Variants in CCSER1 observed in about 807,000 individuals in gnomAD.
CCSER1 encodes the protein coiled-coil serine rich protein 1, also known as serine-rich coiled-coil domain-containing protein 1.
CCSER1 carries 41 observed loss-of-function variants against 82.0 expected under a neutral mutation model. The observed-to-expected ratio is 0.50, with a 90% CI of 0.39 to 0.65. The LOEUF (loss-of-function observed/expected upper bound fraction) is 0.65. Ranked by LOEUF, CCSER1 falls within the 30% of genes least tolerant of loss-of-function variation. The pLI is 0.00. For synonymous variants in CCSER1, 414 were observed against 383.9 expected (o/e 1.08, Z -0.92); for missense variants, 1,119 against 1,064.2 (o/e 1.05, Z -0.72).
chr4:90,402,878 C>A (rs1753088083), intron 4 of CCSER1, among the ~76,000 whole-genome samples: 1 of 152,092 alleles, frequency 6.6e-6, no homozygotes. Context: ...TCTCTTGAGT[C>A]TACTTTAAGG....
chr4:90,786,595 T>C (rs567291343), intron 7 of CCSER1, among the ~76,000 whole-genome samples: 1 of 152,320 alleles, frequency 6.6e-6, no homozygotes, highest in East Asian at 1.9e-4. Flanking sequence ...TCATTTAAAA[T>C]TCCATTTACA....
intron 10 of CCSER1, among the ~76,000 whole-genome samples, chr4:91,156,234 A>G (rs570437905): frequency 8.6e-5 from 13 of 151,924 alleles, no homozygotes; most frequent in Admixed American, 3.9e-4. Flanking sequence ...ATTAGAGTAT[A>G]TTACAGATAA....
chr4:90,690,546 G>A (rs1266287869), intron 6 of CCSER1, among the ~76,000 whole-genome samples: 1 of 152,014 alleles, frequency 6.6e-6, no homozygotes, highest in East Asian at 1.9e-4. Context: ...TGTCCTGCAT[G>A]TCAAATATTT....
chr4:90,308,288 G>C lies in CCSER1; in HGVS notation c.4G>C (p.Gly2Arg). Reference protein sequence around the residue: MGDSGSRRSTLV... With the variant: MRDSGSRRSTLV... ...CAGTGCAAGCCTTTGATTCCCAATG[G>C]GGGACTCAGGATCAAGACGATCTAC... Residue 2 changes from glycine to arginine, a missense_variant, in exon 2 of 11, where the codon GGG becomes CGG. By Grantham distance (125) the Gly-to-Arg change is moderately radical (BLOSUM62 -2). Coordinates refer to ENST00000509176, the MANE Select transcript of CCSER1 (RefSeq NM_001145065.2). The C allele has an allele frequency of 4.5e-6, 7 of 1,571,472 alleles. No individual in the cohort carries two copies. Among genetic ancestry groups the C allele is most frequent in the African/African-American group, 1.3e-5 (1 of 74,114 alleles).
chr4:90,324,216 C>G (rs1053295931), intron 3 of CCSER1, among the ~76,000 whole-genome samples: 10 of 152,176 alleles, frequency 6.6e-5, no homozygotes, highest in East Asian at 1.9e-4. Context: ...AATGGTATTT[C>G]TAGTTCTAGA....
At chr4:90,877,737 C>T (rs547553724) in intron 8 of CCSER1, among the ~76,000 whole-genome samples, 70 of 150,506 alleles carry the variant, frequency 4.7e-4, no homozygotes, top group Admixed American at 9.9e-4. Flanking sequence ...CAGAAGTAAA[C>T]GGGAGAAAAC....
chr4:90,161,178 C>T (rs1369217097), intron 1 of CCSER1, among the ~76,000 whole-genome samples: 1 of 152,192 alleles, frequency 6.6e-6, no homozygotes, highest in Non-Finnish European at 1.5e-5. Flanking sequence ...TTTGCTCATC[C>T]TATGTGCTTA....
chr4:90,528,069 G>A (rs1320713841), intron 5 of CCSER1, among the ~76,000 whole-genome samples: 2 of 152,054 alleles, frequency 1.3e-5, no homozygotes, highest in African/African-American at 4.8e-5. Context: ...CTTTAAAGTG[G>A]CAATTGCTTC....
chr4:91,569,377 T>A lies in CCSER1; in HGVS notation c.2218-29195T>A, dbSNP rs2110278981. Among the ~76,000 whole-genome samples, 5 of 152,206 alleles carry A rather than the reference T, an allele frequency of 3.3e-5. No individual in the cohort carries two copies. In the South Asian group the frequency reaches 1.0e-3, roughly 32 times the overall value. On this transcript the variant is annotated intron_variant, in intron 10 of 10. Transcript: ENST00000509176. Reference sequence around the variant, plus strand: ...AACTTGGAGGTAGAAGAGGAAAGGATCTTAGTAGTGGTTGGAGCTGAGGAT... The same window carrying A: ...AACTTGGAGGTAGAAGAGGAAAGGAACTTAGTAGTGGTTGGAGCTGAGGAT...
chr4:91,448,876 A>G (rs1480822332), intron 10 of CCSER1, among the ~76,000 whole-genome samples: 2 of 152,094 alleles, frequency 1.3e-5, no homozygotes, highest in South Asian at 4.1e-4. Flanking sequence ...GCAGACAACA[A>G]AGGAATTACA....
At chr4:90,495,882 C>T (rs1768916449) in intron 5 of CCSER1, among the ~76,000 whole-genome samples, 1 of 152,096 alleles carries the variant, frequency 6.6e-6, no homozygotes, top group African/African-American at 2.4e-5. Context: ...GAGGAATAAT[C>T]AAACCACTTT....
At chr4:91,115,799 G>C (rs1428296023) in intron 10 of CCSER1, among the ~76,000 whole-genome samples, 1 of 103,450 alleles carries the variant, frequency 9.7e-6, no homozygotes, top group African/African-American at 3.7e-5. Flanking sequence ...GCCTATCCTA[G>C]CTTTTTCTTT....
At position 91,135,839 on chromosome 4, in the gene CCSER1, T is replaced by G. The variant is rs73837284; in HGVS notation, c.2217+49845T>G. Among the ~76,000 whole-genome samples, 505 of 152,286 alleles carry G rather than the reference T, an allele frequency of 3.3e-3. 2 individuals are homozygous for G. The highest frequency in any genetic ancestry group is 0.012 in the African/African-American group (485 of 41,556). On this transcript the variant is annotated intron_variant, in intron 10 of 10. Transcript: ENST00000509176. ...TTATTTTCACAACTTCGCTATAAGT[T>G]TATTTTTTAAAAATATCTTCTAACT...
chr4:91,076,829 T>C (rs1722049884), intron 9 of CCSER1, among the ~76,000 whole-genome samples: 1 of 152,154 alleles, frequency 6.6e-6, no homozygotes, highest in South Asian at 2.1e-4. Context: ...CCATGGTACA[T>C]GGTACATGGA....
intron 10 of CCSER1, among the ~76,000 whole-genome samples, chr4:91,161,170 C>A (rs974748195): frequency 3.9e-5 from 6 of 152,128 alleles, no homozygotes; most frequent in Admixed American, 3.9e-4. Context: ...ATCCTTTCCC[C>A]ACTTCTTCTT....
At chr4:90,893,950 G>A (rs1193382687) in intron 8 of CCSER1, among the ~76,000 whole-genome samples, 2 of 151,676 alleles carry the variant, frequency 1.3e-5, no homozygotes, top group Non-Finnish European at 2.9e-5. Flanking sequence ...TGACTTTATA[G>A]CTAGATAATA....
chr4:91,078,549 A>G (rs1722285715), intron 9 of CCSER1, among the ~76,000 whole-genome samples: 1 of 152,260 alleles, frequency 6.6e-6, no homozygotes, highest in African/African-American at 2.4e-5. Context: ...GCTCCTCGCC[A>G]GCAATGGAAC....
chr4:90,683,270 A>G (rs1431737034), intron 6 of CCSER1: 1 of 152,140 alleles, frequency 6.6e-6, no homozygotes, highest in Non-Finnish European at 1.5e-5. Flanking sequence ...AAGTGCTTCT[A>G]TGAAAAAATA....
intron 10 of CCSER1, among the ~76,000 whole-genome samples, chr4:91,164,320 C>T (rs1012959319): frequency 1.1e-4 from 16 of 152,168 alleles, no homozygotes; most frequent in African/African-American, 2.4e-5. Flanking sequence ...GATGGGCTTC[C>T]CTTTGTGGGT....
Sources: gnomAD v4.1 joint callset for allele counts (sites outside exome capture counted in the v4.1 genomes callset) on GRCh38, gnomAD v4.1.1 for gene constraint, MANE v1.5 for transcripts, NCBI Gene and HGNC (gene_info 2026-07-23, HGNC 2026-07-21) for gene names.